TIAM1: variants seen among roughly 807,000 people sequenced by gnomAD.
TIAM1 encodes rho guanine nucleotide exchange factor TIAM1.
In TIAM1, 65 loss-of-function variants were observed where a neutral mutation model predicts 163.5. The observed-to-expected ratio is 0.40, with a 90% confidence interval of 0.33 to 0.49. The LOEUF (loss-of-function observed/expected upper bound fraction) is 0.49, where lower values mean the gene tolerates loss of function less well. Among genes scored for constraint, TIAM1 ranks in the 20% least tolerant of loss-of-function variants. The pLI, the probability that TIAM1 is intolerant of heterozygous loss-of-function variation, is 0.77. For missense variants in TIAM1, 1,789 were observed against 2,044.7 expected, an observed-to-expected ratio of 0.87 and a Z score of 2.41; for synonymous variants, 833 against 810.1, an observed-to-expected ratio of 1.03 and a Z score of -0.48.
chr21:31,479,404 GA>G (rs1341473002), intron 1 of TIAM1, among the ~76,000 whole-genome samples: 1 of 151,122 alleles, frequency 6.6e-6, no homozygotes, highest in East Asian at 1.9e-4. Flanking sequence ...TGGATGGACG[GA>G]GGGGCGGGCG....
At chr21:31,542,467 G>A (rs77757272) in intron 1 of TIAM1, among the ~76,000 whole-genome samples, 6,789 of 151,820 alleles carry the variant, frequency 0.045, 508 homozygotes, top group African/African-American at 0.15. Flanking sequence ...CAGCATTGTG[G>A]GATCATCTCA....
chr21:31,218,573 A>C (rs2087349040), intron 8 of TIAM1, among the ~76,000 whole-genome samples: 1 of 151,744 alleles, frequency 6.6e-6, no homozygotes, highest in Non-Finnish European at 1.5e-5. Flanking sequence ...TTTCTCAAAA[A>C]AAAAAGCGGG....
intron 2 of TIAM1, among the ~76,000 whole-genome samples, chr21:31,436,836 T>G (rs2044226425): frequency 6.6e-6 from 1 of 151,982 alleles, no homozygotes; most frequent in Non-Finnish European, 1.5e-5. Flanking sequence ...TGCATGCCTG[T>G]GATCCCAGCT....
intron 23 of TIAM1, among the ~76,000 whole-genome samples, chr21:31,133,889 G>A (rs868171074): frequency 8.5e-5 from 13 of 152,134 alleles, no homozygotes; most frequent in South Asian, 4.1e-4. Flanking sequence ...CCAACATGGT[G>A]AAACTCCATC....
intron 1 of TIAM1, among the ~76,000 whole-genome samples, chr21:31,472,301 C>T (rs1177208735): frequency 6.6e-6 from 1 of 152,012 alleles, no homozygotes; most frequent in African/African-American, 2.4e-5. Flanking sequence ...CTGAGGCGGG[C>T]AGATCACTTG....
intron 2 of TIAM1, among the ~76,000 whole-genome samples, chr21:31,298,826 A>AG (rs1569183770): frequency 2.0e-4 from 28 of 141,520 alleles, no homozygotes; most frequent in African/African-American, 7.3e-4. Context: ...GAGAGAGAGA[A>AG]AAACAGATGG....
chr21:31,149,956 T>C (rs2083300876), intron 19 of TIAM1, among the ~76,000 whole-genome samples: 1 of 152,140 alleles, frequency 6.6e-6, no homozygotes, highest in African/African-American at 2.4e-5. Context: ...CTTAAATGGT[T>C]TTGGAAGAAA....
In TIAM1 at chr21:31,245,580, C is replaced by T; in HGVS notation, c.1492G>A (p.Glu498Lys). The T allele has an allele frequency of 6.2e-7, 1 of 1,609,158 alleles. No individual in the cohort carries two copies. Among genetic ancestry groups the T allele is most frequent in the Non-Finnish European group, 8.5e-7 (1 of 1,177,890 alleles). ...GGCACCGCCTGCACAATGCTGTTCTCCACCCAGACGGCGTGTTTGGGGATG... is the reference window on the plus strand; with the variant it reads ...GGCACCGCCTGCACAATGCTGTTCTTCACCCAGACGGCGTGTTTGGGGATG... ...NSIPKHAVWV[E>K]NSIVQAVPEH... Residue 498 changes from glutamate to lysine, a missense_variant, in exon 6 of 28, where the codon GAG becomes AAG. Physicochemically the swap from Glu to Lys is moderately conservative, Grantham distance 56 (BLOSUM62 1). This residue lies in a region of TIAM1 where 456 missense variants were observed against 586.6 expected (regional missense o/e 0.78). Transcript: ENST00000541036.
At chr21:31,278,026 GA>G (rs1247381132) in intron 2 of TIAM1, among the ~76,000 whole-genome samples, 1 of 152,116 alleles carries the variant, frequency 6.6e-6, no homozygotes, top group Non-Finnish European at 1.5e-5. Flanking sequence ...TTGGACAACA[GA>G]AACAGGTTAC....
At chr21:31,190,661 C>G (rs550171634) in intron 13 of TIAM1, among the ~76,000 whole-genome samples, 10 of 152,258 alleles carry the variant, frequency 6.6e-5, no homozygotes, top group African/African-American at 2.4e-4. Flanking sequence ...TACTTCAAGG[C>G]AGCCGAGGGT....
At chr21:31,499,650 A>C (rs1006703940) in intron 1 of TIAM1, among the ~76,000 whole-genome samples, 2 of 151,954 alleles carry the variant, frequency 1.3e-5, no homozygotes, top group African/African-American at 2.4e-5. Flanking sequence ...AGGAGTTCAA[A>C]ACCAGACTAG....
chr21:31,494,820 C>T (rs1415756000), intron 1 of TIAM1, among the ~76,000 whole-genome samples: 1 of 151,016 alleles, frequency 6.6e-6, no homozygotes, highest in African/African-American at 2.4e-5. Flanking sequence ...TCCAGCCTGG[C>T]GACAGAGTGA....
At chr21:31,457,627 G>A (rs2045155420) in intron 2 of TIAM1, among the ~76,000 whole-genome samples, 1 of 152,166 alleles carries the variant, frequency 6.6e-6, no homozygotes. Flanking sequence ...ATCTAAATTT[G>A]AATAACATGC....
chr21:31,377,766 C>T (rs1434888621), intron 2 of TIAM1, among the ~76,000 whole-genome samples: 7 of 151,822 alleles, frequency 4.6e-5, no homozygotes, highest in African/African-American at 1.7e-4. Flanking sequence ...ACCACATCTC[C>T]CATCCAGATG....
intron 2 of TIAM1, among the ~76,000 whole-genome samples, chr21:31,425,581 C>T (rs2043754378): frequency 1.4e-5 from 2 of 143,774 alleles, no homozygotes; most frequent in South Asian, 4.2e-4. Context: ...GGTCCAGGGA[C>T]TGCTTTTTTT....
intron 2 of TIAM1, among the ~76,000 whole-genome samples, chr21:31,389,015 A>AGGTCTG (rs1285204229): frequency 6.6e-6 from 1 of 152,192 alleles, no homozygotes; most frequent in East Asian, 1.9e-4. Flanking sequence ...CCTGGCCATA[A>AGGTCTG]GGTCTGTGTC....
At chr21:31,244,854 C>T (rs2071410043) in intron 6 of TIAM1, among the ~76,000 whole-genome samples, 1 of 152,196 alleles carries the variant, frequency 6.6e-6, no homozygotes. Context: ...AGCCTTCCTA[C>T]ATAACAACAC....
intron 4 of TIAM1, among the ~76,000 whole-genome samples, chr21:31,265,786 T>C (rs1218375293): frequency 6.6e-6 from 1 of 151,614 alleles, no homozygotes; most frequent in Admixed American, 6.6e-5. Context: ...ACATCGCCAC[T>C]CCCCCCACAC....
At chr21:31,479,402 C>A (rs866268095) in intron 1 of TIAM1, among the ~76,000 whole-genome samples, 1 of 145,982 alleles carries the variant, frequency 6.9e-6, no homozygotes, top group African/African-American at 2.6e-5. Context: ...GATGGATGGA[C>A]GGAGGGGCGG....
Sources: gnomAD v4.1 joint callset for allele counts (sites outside exome capture counted in the v4.1 genomes callset) on GRCh38, gnomAD v4.1.1 for gene constraint, gnomAD v4.1.1 regional missense constraint, MANE v1.5 for transcripts, NCBI Gene and HGNC (gene_info 2026-07-23, HGNC 2026-07-21) for gene names.